MEF2C: variants seen among roughly 807,000 people sequenced by gnomAD.
MEF2C encodes myocyte enhancer factor 2C.
In MEF2C, 6 loss-of-function variants were observed where a neutral mutation model predicts 50.5. The ratio of observed to expected loss-of-function variants is 0.12; its 90% confidence interval spans 0.07 to 0.23. MEF2C has a LOEUF of 0.23. MEF2C is among the 10% of genes least tolerant of loss of function. The probability of loss-of-function intolerance (pLI) is 1.00; values close to 1 mark genes in which losing one functional copy is unlikely to be tolerated. For synonymous variants in MEF2C, 183 were observed against 228.0 expected (o/e 0.80, Z 1.78); for missense variants, 276 against 605.0 (o/e 0.46, Z 5.70).
intron 1 of MEF2C, among the ~76,000 whole-genome samples, chr5:88,880,510 C>T (rs1292283326): frequency 6.6e-6 from 1 of 151,988 alleles, no homozygotes; most frequent in African/African-American, 2.4e-5. Context: ...AAATATACTA[C>T]AATAAACAGA....
rs368575766 is a variant in MEF2C, at chr5:88,731,780, T to C, written c.759A>G (p.Pro253=). 5.0e-5 allele frequency: 80 copies of C among 1,613,346 alleles called. No homozygotes were observed. The highest frequency in any genetic ancestry group is 6.6e-5 in the Non-Finnish European group (78 of 1,179,526). The change falls in exon 7 of 11, where the codon CCA becomes CCG. Residue 253 remains proline (P), a synonymous_variant. Transcript: ENST00000504921. ...PMNLGMNNRK[P]DLRVLIPPGS... ...CTGGTGGAATAAGAACTCGGAGATCTGGTTTACGGTTATTCATTCCTAAAT... is the reference window on the plus strand; with the variant it reads ...CTGGTGGAATAAGAACTCGGAGATCCGGTTTACGGTTATTCATTCCTAAAT...
chr5:88,840,097 C>T (rs1023847068), intron 1 of MEF2C, among the ~76,000 whole-genome samples: 6 of 151,984 alleles, frequency 3.9e-5, no homozygotes, highest in African/African-American at 9.7e-5. Context: ...CAGATAATAC[C>T]GTACCCAAAT....
chr5:88,735,934 T>C (rs1763886291), intron 6 of MEF2C: 1 of 985,256 alleles, frequency 1.0e-6, no homozygotes, highest in African/African-American at 1.7e-5. Context: ...TTGTTTCTTT[T>C]TCTTTTCTAG....
At chr5:88,831,308 T>C (rs1227081375) in intron 1 of MEF2C, among the ~76,000 whole-genome samples, 1 of 152,006 alleles carries the variant, frequency 6.6e-6, no homozygotes, top group African/African-American at 2.4e-5. Context: ...ACACCTGAGT[T>C]GTCTTGAGTA....
chr5:88,829,182 A>T (rs1347701998), intron 1 of MEF2C, among the ~76,000 whole-genome samples: 1 of 151,914 alleles, frequency 6.6e-6, no homozygotes, highest in Non-Finnish European at 1.5e-5. Context: ...ATTTCCTCAC[A>T]TCTGCCATGC....
At chr5:88,744,951 T>G (rs1768684726) in intron 6 of MEF2C, among the ~76,000 whole-genome samples, 1 of 152,254 alleles carries the variant, frequency 6.6e-6, no homozygotes, top group Non-Finnish European at 1.5e-5. Context: ...CCCAGGGTAC[T>G]CAGCCATTTA....
Position 88,766,256 on chromosome 5 carries a change from G to A in MEF2C, c.259-4928C>T, listed in dbSNP as rs147004620. Among the ~76,000 whole-genome samples the A allele has an allele frequency of 2.6e-3, 391 of 152,176 alleles. 2 individuals carry two copies. Among genetic ancestry groups the A allele is most frequent in the African/African-American group, 7.2e-3 (299 of 41,532 alleles). ...TCATTAGGGGAACAGATTCTATTTC[G>A]TTACTGAAAGGAATATAAATGAAAA... On this transcript the variant is annotated intron_variant, in intron 3 of 10. Transcript: ENST00000504921.
intron 1 of MEF2C, among the ~76,000 whole-genome samples, chr5:88,876,068 T>TG (rs1390577501): frequency 1.3e-5 from 2 of 150,944 alleles, no homozygotes; most frequent in African/African-American, 4.9e-5. Flanking sequence ...CTGGAGTTTT[T>TG]TTTTTTTTTT....
intron 6 of MEF2C, chr5:88,744,201 C>T (rs1768231754): frequency 2.3e-6 from 2 of 854,526 alleles, no homozygotes; most frequent in Non-Finnish European, 2.7e-6. Context: ...AATCTAATGA[C>T]TACAAACAAC....
At chr5:88,878,935 G>A (rs1354065042) in intron 1 of MEF2C, among the ~76,000 whole-genome samples, 3 of 151,936 alleles carry the variant, frequency 2.0e-5, no homozygotes, top group Non-Finnish European at 4.4e-5. Context: ...ATATATAACT[G>A]CAACTGAAGG....
intron 6 of MEF2C, chr5:88,733,223 GTGAC>G (rs1762443796): frequency 1.0e-6 from 1 of 985,212 alleles, no homozygotes; most frequent in South Asian, 4.7e-5. Flanking sequence ...TGTTAGGCTT[GTGAC>G]TGGGCAGTAG....
chr5:88,750,206 G>GT, intron 5 of MEF2C: 1 of 514,270 alleles, frequency 1.9e-6, no homozygotes, highest in Non-Finnish European at 2.5e-6. Flanking sequence ...ATATATACAC[G>GT]ATTTTTTTTT....
intron 2 of MEF2C, among the ~76,000 whole-genome samples, chr5:88,806,721 A>G (rs1800595445): frequency 1.3e-5 from 2 of 150,798 alleles, no homozygotes; most frequent in Admixed American, 1.3e-4. Context: ...TATACACAAA[A>G]ATATACCAAA....
chr5:88,768,215 G>T (rs2152746077), intron 3 of MEF2C, among the ~76,000 whole-genome samples: 1 of 152,256 alleles, frequency 6.6e-6, no homozygotes, highest in Non-Finnish European at 1.5e-5. Flanking sequence ...AGATTGAGAG[G>T]TCCTTAACAA....
chr5:88,888,453 G>A (rs1834209187), intron 1 of MEF2C, among the ~76,000 whole-genome samples: 1 of 152,134 alleles, frequency 6.6e-6, no homozygotes, highest in Admixed American at 6.5e-5. Flanking sequence ...TTTTTAAGTT[G>A]CTTCAGAGTC....
At chr5:88,785,321 T>C (rs1007376660) in intron 3 of MEF2C, 28 of 144,342 alleles carry the variant, frequency 1.9e-4, no homozygotes, top group African/African-American at 6.6e-4. Flanking sequence ...CACACACACG[T>C]ATTTTTTTAT....
Position 88,722,888 on chromosome 5 carries a change from G to A in MEF2C, c.1138C>T (p.Leu380Phe). 4 of 1,612,282 alleles carry A rather than the reference G, an allele frequency of 2.5e-6. No homozygotes were observed. The highest frequency in any genetic ancestry group is 3.4e-6 in the Non-Finnish European group (4 of 1,178,618). The change falls in exon 11 of 11, where the codon CTC becomes TTC. Residue 380 changes from leucine to phenylalanine, a missense_variant. Around this residue, in one of 2 missense-constraint regions of MEF2C, gnomAD observed 256 missense variants for 468.1 expected, o/e 0.55. Coordinates refer to ENST00000504921, the MANE Select transcript of MEF2C (RefSeq NM_002397.5). The part of the protein sequence containing the change: ...TSTHLSQSSN[L>F]SLPSTQSLNI... ...AGGCTTTGAGTAGAAGGCAGGGAGA[G>A]ATTTGAACTCTGAGATAAATGAGTG... is the stretch of plus-strand genomic sequence containing the variant.
chr5:88,773,934 C>A (rs1477084316), intron 3 of MEF2C, among the ~76,000 whole-genome samples: 1 of 152,238 alleles, frequency 6.6e-6, no homozygotes, highest in Non-Finnish European at 1.5e-5. Context: ...GGCAAACCTT[C>A]TGCTTAACAG....
intron 1 of MEF2C, among the ~76,000 whole-genome samples, chr5:88,862,880 TTCTGATACCA>T (rs1424994108): frequency 6.6e-6 from 1 of 152,244 alleles, no homozygotes; most frequent in Non-Finnish European, 1.5e-5. Context: ...CACTTCCTAC[TTCTGATACCA>T]TCTTCACGGC....
Sources: gnomAD v4.1 joint callset for allele counts (sites outside exome capture counted in the v4.1 genomes callset) on GRCh38, gnomAD v4.1.1 for gene constraint, gnomAD v4.1.1 regional missense constraint, MANE v1.5 for transcripts, NCBI Gene and HGNC (gene_info 2026-07-23, HGNC 2026-07-21) for gene names.